Variants in SPEF2 observed in about 807,000 individuals in gnomAD.
SPEF2 encodes the protein sperm flagellar and cilia associated 2.
Under a neutral mutation model 224.6 loss-of-function variants are expected in SPEF2, and 187 were observed. The observed-to-expected ratio is 0.83, with a 90% CI of 0.74 to 0.94. The LOEUF (loss-of-function observed/expected upper bound fraction) is 0.94. Among genes scored for constraint, SPEF2 ranks in the 40% least tolerant of loss-of-function variants. The probability of loss-of-function intolerance (pLI) is 0.00; values close to 1 mark genes in which losing one functional copy is unlikely to be tolerated. For synonymous variants in SPEF2, 715 were observed against 707.3 expected (o/e 1.01, Z -0.17); for missense variants, 2,170 against 2,135.6 (o/e 1.02, Z -0.32).
intron 25 of SPEF2, among the ~76,000 whole-genome samples, chr5:35,761,579 G>A (rs1304258608): frequency 6.6e-6 from 1 of 152,000 alleles, no homozygotes; most frequent in South Asian, 2.1e-4. Context: ...TGTCAGGCCC[G>A]TGTGTACACA....
chr5:35,772,558 T>C (rs1266118719), intron 27 of SPEF2, among the ~76,000 whole-genome samples: 1 of 152,150 alleles, frequency 6.6e-6, no homozygotes, highest in African/African-American at 2.4e-5. Flanking sequence ...GCGTAGAAGA[T>C]GCTTCTTAGA....
chr5:35,639,345 G>C (rs1224116725), intron 2 of SPEF2, among the ~76,000 whole-genome samples: 1 of 152,016 alleles, frequency 6.6e-6, no homozygotes, highest in Non-Finnish European at 1.5e-5. Context: ...CAGGGCACAT[G>C]GTCTTTTAAA....
chr5:35,728,333 C>A (rs931850023), intron 21 of SPEF2, among the ~76,000 whole-genome samples: 2 of 152,178 alleles, frequency 1.3e-5, no homozygotes, highest in Non-Finnish European at 2.9e-5. Flanking sequence ...CCCAGAGGAG[C>A]GCTGAAAGCT....
At chr5:35,750,197 A>G (rs1749190993) in intron 23 of SPEF2, among the ~76,000 whole-genome samples, 1 of 152,188 alleles carries the variant, frequency 6.6e-6, no homozygotes, top group Admixed American at 6.5e-5. Flanking sequence ...TTATACAAAA[A>G]TCAACTCAAG....
chr5:35,731,622 A>C (rs536622187), intron 21 of SPEF2, among the ~76,000 whole-genome samples: 4 of 152,322 alleles, frequency 2.6e-5, no homozygotes, highest in African/African-American at 9.6e-5. Flanking sequence ...AGACCTGACC[A>C]GTGGTACTTG....
At chr5:35,777,063 A>G (rs563819912) in intron 29 of SPEF2, among the ~76,000 whole-genome samples, 1 of 152,218 alleles carries the variant, frequency 6.6e-6, no homozygotes, top group South Asian at 2.1e-4. Flanking sequence ...ACAAGGAAAC[A>G]CTCCAGCCAG....
chr5:35,751,282 T>A (rs1481613357), intron 23 of SPEF2, among the ~76,000 whole-genome samples: 1 of 142,288 alleles, frequency 7.0e-6, no homozygotes, highest in Non-Finnish European at 1.5e-5. Context: ...CTCAAAGGCA[T>A]AAGAATGATA....
chr5:35,640,061 C>A (rs571738538), intron 2 of SPEF2, among the ~76,000 whole-genome samples: 1 of 152,192 alleles, frequency 6.6e-6, no homozygotes, highest in East Asian at 1.9e-4. Context: ...TACATTTAAA[C>A]CCTAGTAGGT....
chr5:35,712,940 T>A, intron 20 of SPEF2, 54 bp downstream of exon 20: 1 of 1,500,666 alleles, frequency 6.7e-7, no homozygotes, highest in Non-Finnish European at 9.1e-7. Flanking sequence ...TTTATAACTA[T>A]CTCAGTGAAA....
At chr5:35,647,701 A>G (rs1189199868) in intron 5 of SPEF2, among the ~76,000 whole-genome samples, 1 of 152,112 alleles carries the variant, frequency 6.6e-6, no homozygotes, top group African/African-American at 2.4e-5. Context: ...CAGTCAAGGT[A>G]CACATAGCAT....
At chr5:35,711,327 ATTTT>A (rs1323143313) in intron 19 of SPEF2, among the ~76,000 whole-genome samples, 2 of 133,760 alleles carry the variant, frequency 1.5e-5, no homozygotes, top group African/African-American at 5.5e-5. Flanking sequence ...AAAAATTGTT[ATTTT>A]GTTATTTTGT....
chr5:35,640,923 A>G (rs554778301), intron 2 of SPEF2, among the ~76,000 whole-genome samples: 2 of 152,238 alleles, frequency 1.3e-5, no homozygotes, highest in Non-Finnish European at 2.9e-5. Flanking sequence ...TTTTTGGAAG[A>G]TGGGTGCTTT....
At chr5:35,675,978 A>C (rs746199735) in intron 10 of SPEF2, 1 of 456,296 alleles carries the variant, frequency 2.2e-6, no homozygotes, top group East Asian at 6.9e-5. Context: ...TCAAATTATT[A>C]ACACTGGAGA....
intron 19 of SPEF2, 122 bp from the exon 20 acceptor site, chr5:35,712,690 T>C: frequency 1.1e-6 from 1 of 916,660 alleles, no homozygotes; most frequent in Non-Finnish European, 1.7e-6. Flanking sequence ...CCTGAGCCAT[T>C]TTATGCAGTT....
At chr5:35,808,628 T>C (rs1215337645) in intron 36 of SPEF2, among the ~76,000 whole-genome samples, 1 of 151,962 alleles carries the variant, frequency 6.6e-6, no homozygotes, top group East Asian at 1.9e-4. Flanking sequence ...ATGTGCCACA[T>C]TTTCTTAATC....
intron 24 of SPEF2, among the ~76,000 whole-genome samples, chr5:35,754,759 C>G (rs113576119): frequency 3.3e-5 from 5 of 152,064 alleles, no homozygotes; most frequent in African/African-American, 1.2e-4. Context: ...CAGGAAGCAG[C>G]CTGTCTAAAG....
At chr5:35,806,977 G>A (rs763022949) in intron 35 of SPEF2, 25 bp downstream of exon 35, 2 of 1,581,914 alleles carry the variant, frequency 1.3e-6, no homozygotes, top group Non-Finnish European at 1.7e-6. Flanking sequence ...TTTGAAAAAA[G>A]TTGGCCTCAA....
Position 35,795,697 on chromosome 5 carries a change from A to G in SPEF2, c.4738-6A>G. The G allele has an allele frequency of 6.2e-7, 1 of 1,606,442 alleles. No homozygotes were observed. The highest frequency in any genetic ancestry group is 8.5e-7 in the Non-Finnish European group (1 of 1,177,658). On this transcript the variant is annotated splice_region_variant and splice_polypyrimidine_tract_variant and intron_variant, in intron 32 of 36. Coordinates refer to ENST00000356031, the MANE Select transcript of SPEF2 (RefSeq NM_024867.4). The stretch of plus-strand genomic sequence containing the variant: ...TTAACAATTTTCATTTTTATTTTTT[A>G]TGTAGGCTGGTCTGTGGTTTACAGG...
intron 10 of SPEF2, among the ~76,000 whole-genome samples, chr5:35,684,827 A>T (rs1181102343): frequency 6.6e-6 from 1 of 152,216 alleles, no homozygotes; most frequent in Non-Finnish European, 1.5e-5. Flanking sequence ...GCTCAAAATC[A>T]TTACAATATT....
Sources: gnomAD v4.1 joint callset for allele counts (sites outside exome capture counted in the v4.1 genomes callset) on GRCh38, gnomAD v4.1.1 for gene constraint, MANE v1.5 for transcripts, NCBI Gene and HGNC (gene_info 2026-07-23, HGNC 2026-07-21) for gene names.